SPCS2: variants seen among roughly 807,000 people sequenced by gnomAD.
SPCS2 encodes the protein signal peptidase complex subunit 2, also known as SPase 25 kDa subunit.
A neutral mutation model predicts 22.3 loss-of-function variants in SPCS2; 3 were observed. That is an observed-to-expected ratio of 0.13 (90% CI 0.06 to 0.35). The LOEUF is 0.35. Ranked by LOEUF, SPCS2 falls within the 10% of genes least tolerant of loss-of-function variation. The pLI is 1.00. For missense variants in SPCS2, 169 were observed against 280.9 expected (o/e 0.60, Z 2.85); for synonymous variants, 67 against 97.2 (o/e 0.69, Z 1.83).
At position 74,969,715 on chromosome 11, in the gene SPCS2, C is replaced by T. The variant is rs535804406; in HGVS notation, c.494+16C>T. The T allele has an allele frequency of 4.7e-5, 76 of 1,613,396 alleles. No homozygotes were observed. The highest frequency in any genetic ancestry group is 6.2e-5 in the Non-Finnish European group (73 of 1,179,648). On this transcript the variant is annotated intron_variant, in intron 4 of 4. Coordinates refer to ENST00000263672, the MANE Select transcript of SPCS2 (RefSeq NM_014752.3). The stretch of plus-strand genomic sequence containing the variant: ...GTCTTAAAAGGTATGACTATCCTCA[C>T]AGATTTTTAAATCCTGGTGTTGGAT...
chr11:74,976,752 C>A, intron 4 of SPCS2, 105 bp from the exon 5 acceptor site: 1 of 1,421,010 alleles, frequency 7.0e-7, no homozygotes, highest in Non-Finnish European at 9.7e-7. Context: ...CCTGTATCAC[C>A]GTGCCCAGCT....
chr11:74,972,897 T>A lies in SPCS2; in HGVS notation c.494+3198T>A, dbSNP rs866482925. Among the ~76,000 whole-genome samples the A allele has an allele frequency of 6.6e-3, 930 of 141,836 alleles. 4 individuals carry two copies. The highest frequency in any genetic ancestry group is 8.4e-3 in the Non-Finnish European group (566 of 67,466). The allele number at this position is 141,836 out of a possible 152,430, so 93.0% of individuals were successfully genotyped here. On this transcript the variant is annotated intron_variant, in intron 4 of 4. Coordinates refer to ENST00000263672, the MANE Select transcript of SPCS2 (RefSeq NM_014752.3). ...AATGTTTTATATATATATATATATT[T>A]TTTTTTTTCCTGCATACTTAGGCAA... is the stretch of plus-strand genomic sequence containing the variant.
intron 1 of SPCS2, among the ~76,000 whole-genome samples, chr11:74,952,678 TA>T (rs1180499053): frequency 6.6e-6 from 1 of 152,034 alleles, no homozygotes; most frequent in East Asian, 1.9e-4. Flanking sequence ...CTGTCTGTGG[TA>T]AAAAATAGAA....
In SPCS2 at chr11:74,966,846, G is replaced by A. The variant is rs140629743; in HGVS notation, c.359+923G>A. On this transcript the variant is annotated intron_variant, in intron 3 of 4. Coordinates refer to ENST00000263672, the MANE Select transcript of SPCS2 (RefSeq NM_014752.3). ...TGGTGTGATCATGACTCACTGCAGC[G>A]TCAGCCTCCTGGCTCGAGCAATTCT... Among the ~76,000 whole-genome samples, 208 of 152,098 alleles carry A rather than the reference G, an allele frequency of 1.4e-3. 3 individuals carry two copies. The East Asian group carries it at 0.029, about 21-fold the overall frequency.
At chr11:74,954,027 T>A (rs1466621642) in intron 1 of SPCS2, among the ~76,000 whole-genome samples, 1 of 152,214 alleles carries the variant, frequency 6.6e-6, no homozygotes, top group Non-Finnish European at 1.5e-5. Context: ...TTTTGGACCT[T>A]TTTTTAGGCC....
intron 4 of SPCS2, among the ~76,000 whole-genome samples, chr11:74,970,621 T>C (rs1948578790): frequency 6.6e-6 from 1 of 152,228 alleles, no homozygotes; most frequent in African/African-American, 2.4e-5. Flanking sequence ...CCATACAGAC[T>C]GTCTCATTGC....
intron 3 of SPCS2, among the ~76,000 whole-genome samples, chr11:74,967,547 C>T (rs1197172047): frequency 6.6e-6 from 1 of 152,108 alleles, no homozygotes; most frequent in African/African-American, 2.4e-5. Context: ...CCCAAGAGTT[C>T]AAGGCCAGCC....
At chr11:74,963,870 A>T (rs982764427) in intron 1 of SPCS2, among the ~76,000 whole-genome samples, 3 of 152,234 alleles carry the variant, frequency 2.0e-5, no homozygotes, top group African/African-American at 7.2e-5. Flanking sequence ...CACTTGATCT[A>T]AAAAATTAAG....
At chr11:74,962,228 T>C (rs1948518821) in intron 1 of SPCS2, among the ~76,000 whole-genome samples, 1 of 152,196 alleles carries the variant, frequency 6.6e-6, no homozygotes, top group African/African-American at 2.4e-5. Flanking sequence ...GAAGGAAAGG[T>C]GTTCAACATA....
intron 4 of SPCS2, among the ~76,000 whole-genome samples, chr11:74,975,766 T>C (rs935357579): frequency 1.2e-4 from 19 of 152,200 alleles, no homozygotes; most frequent in African/African-American, 4.3e-4. Flanking sequence ...ATAGACACTG[T>C]TTTAGTCATG....
intron 1 of SPCS2, among the ~76,000 whole-genome samples, chr11:74,955,541 G>C (rs566045376): frequency 1.3e-5 from 2 of 152,122 alleles, no homozygotes; most frequent in East Asian, 1.9e-4. Context: ...GGGGATAGGG[G>C]ACAGGAATAA....
chr11:74,954,671 A>G (rs1948466203), intron 1 of SPCS2, among the ~76,000 whole-genome samples: 1 of 152,202 alleles, frequency 6.6e-6, no homozygotes, highest in Admixed American at 6.5e-5. Flanking sequence ...CTGGCCTTTT[A>G]ATACTGTTGC....
intron 1 of SPCS2, 176 bp downstream of exon 1, chr11:74,949,575 A>C: frequency 1.5e-6 from 1 of 677,858 alleles, no homozygotes. Context: ...TCACACTTCA[A>C]ACCTGGACCC....
chr11:74,969,504 T>C, intron 3 of SPCS2, 61 bp from the exon 4 acceptor site: 1 of 1,513,046 alleles, frequency 6.6e-7, no homozygotes, highest in Non-Finnish European at 9.1e-7. Context: ...TATCTGTTGC[T>C]TGTCAATTTG....
intron 3 of SPCS2, among the ~76,000 whole-genome samples, chr11:74,966,900 A>C (rs1466415236): frequency 6.6e-6 from 1 of 152,066 alleles, no homozygotes; most frequent in African/African-American, 2.4e-5. Flanking sequence ...GTAGACGGGC[A>C]CATGCCACCA....
chr11:74,956,636 T>C (rs1399078646), intron 1 of SPCS2, among the ~76,000 whole-genome samples: 3 of 152,208 alleles, frequency 2.0e-5, no homozygotes, highest in Admixed American at 2.0e-4. Context: ...CTCCGTTACA[T>C]TTTGTTCTCC....
chr11:74,950,051 C>G (rs569135309), intron 1 of SPCS2, among the ~76,000 whole-genome samples: 2 of 152,074 alleles, frequency 1.3e-5, no homozygotes, highest in South Asian at 4.1e-4. Context: ...CCTCCCTCTG[C>G]TCATCCAAAA....
At chr11:74,955,930 TCTCTG>T (rs1948476801) in intron 1 of SPCS2, among the ~76,000 whole-genome samples, 1 of 140,534 alleles carries the variant, frequency 7.1e-6, no homozygotes, top group Non-Finnish European at 1.5e-5. Flanking sequence ...TAGCACCATT[TCTCTG>T]CTCTGATCTC....
chr11:74,956,920 A>C (rs1325580110), intron 1 of SPCS2, among the ~76,000 whole-genome samples: 4 of 152,074 alleles, frequency 2.6e-5, no homozygotes, highest in Non-Finnish European at 5.9e-5. Context: ...GGGACACTCC[A>C]GATTTTCTCA....
Sources: gnomAD v4.1 joint callset for allele counts (sites outside exome capture counted in the v4.1 genomes callset) on GRCh38, gnomAD v4.1.1 for gene constraint, MANE v1.5 for transcripts, NCBI Gene and HGNC (gene_info 2026-07-23, HGNC 2026-07-21) for gene names.